SNX8: variants seen among roughly 807,000 people sequenced by gnomAD.
SNX8 encodes sorting nexin-8.
In SNX8, 25 loss-of-function variants were observed where a neutral mutation model predicts 51.6. That is an observed-to-expected ratio of 0.48 (90% CI 0.35 to 0.68). The LOEUF is 0.68. Ranked by LOEUF, SNX8 falls within the 30% of genes least tolerant of loss-of-function variation. SNX8 has a pLI of 0.00. For missense variants in SNX8, 695 were observed against 624.0 expected, an observed-to-expected ratio of 1.11 and a Z score of -1.21; for synonymous variants, 324 against 277.0, an observed-to-expected ratio of 1.17 and a Z score of -1.68.
chr7:2,322,833 A>G (rs185786282), intron 1 of SNX8, among the ~76,000 whole-genome samples: 2,217 of 150,954 alleles, frequency 0.015, 50 homozygotes, highest in African/African-American at 0.051. Context: ...CCTGGGCAAC[A>G]TGGTGAAACC....
upstream of SNX8, among the ~76,000 whole-genome samples, chr7:2,315,407 C>T (rs1796737900): frequency 6.6e-6 from 1 of 151,666 alleles, no homozygotes; most frequent in Non-Finnish European, 1.5e-5. Context: ...CACCCACTCA[C>T]TCACTGCATC....
chr7:2,318,056 T>A (rs1376676795), upstream of SNX8, among the ~76,000 whole-genome samples: 1 of 152,078 alleles, frequency 6.6e-6, no homozygotes, highest in Non-Finnish European at 1.5e-5. Context: ...CTGATCATAT[T>A]TTTATTAGAG....
intron 1 of SNX8, among the ~76,000 whole-genome samples, chr7:2,338,453 C>CT (rs1778869201): frequency 7.1e-6 from 1 of 140,566 alleles, no homozygotes; most frequent in African/African-American, 2.6e-5. Context: ...CAGAGAGAGA[C>CT]TGTGTCTCAA....
chr7:2,284,642 G>A (rs1795981776), intron 1 of SNX8, among the ~76,000 whole-genome samples: 2 of 151,400 alleles, frequency 1.3e-5, no homozygotes, highest in Non-Finnish European at 1.5e-5. Flanking sequence ...CTGACCTTGT[G>A]ATCCGCCCAC....
chr7:2,348,876 C>T (rs1031922475), intron 1 of SNX8, among the ~76,000 whole-genome samples: 4 of 147,986 alleles, frequency 2.7e-5, no homozygotes, highest in East Asian at 2.0e-4. Context: ...CATTTGAACC[C>T]GGGAGGCGGA....
Position 2,280,234 on chromosome 7 carries a change from G to C in SNX8, c.95-1929C>G, listed in dbSNP as rs77967498. Among the ~76,000 whole-genome samples, 8 of 152,168 alleles carry C rather than the reference G, an allele frequency of 5.3e-5. No individual in the cohort carries two copies. In the East Asian group the frequency reaches 7.7e-4, roughly 15 times the overall value. ...AGAGATCCTACGCCCAGCTTGCAAA[G>C]AAAAAACCAAAACAAGGAATAATGT... On this transcript the variant is annotated intron_variant, in intron 1 of 10. Transcript: ENST00000222990.
At chr7:2,348,950 C>CAAAAA (rs60816121) in intron 1 of SNX8, among the ~76,000 whole-genome samples, 13 of 55,706 alleles carry the variant, frequency 2.3e-4, no homozygotes, top group Non-Finnish European at 3.0e-4. Flanking sequence ...GACTCTGTCT[C>CAAAAA]AAAAAAAAAA....
chr7:2,278,150 C>G lies in SNX8; in HGVS notation c.250G>C (p.Glu84Gln), dbSNP rs775139767. 4 of 1,614,156 alleles carry G rather than the reference C, an allele frequency of 2.5e-6. No individual in the cohort carries two copies. Among genetic ancestry groups the G allele is most frequent in the Non-Finnish European group, 2.5e-6 (3 of 1,180,020 alleles). Residue 84 changes from glutamate to glutamine, a missense_variant, in exon 2 of 11, where the codon GAG (glutamate) becomes CAG (glutamine). By Grantham distance (29) the Glu-to-Gln change is conservative. Coordinates refer to ENST00000222990, the MANE Select transcript of SNX8 (RefSeq NM_013321.4). ...TGCTTCAGGAAGAGGCCCTTCTTCT[C>G]CGGAATGAGCTCCACCTGCACGGTG... ...RDTVQVELIP[E>Q]KKGLFLKHVE...
chr7:2,263,800 G>A (rs567768703), intron 6 of SNX8, among the ~76,000 whole-genome samples: 17 of 151,886 alleles, frequency 1.1e-4, no homozygotes, highest in African/African-American at 3.4e-4. Context: ...TGCAACCTCC[G>A]CCTCCTAGGT....
At chr7:2,337,852 T>A (rs1460717799) in intron 1 of SNX8, among the ~76,000 whole-genome samples, 7 of 131,494 alleles carry the variant, frequency 5.3e-5, no homozygotes, top group South Asian at 2.4e-4. Flanking sequence ...GGATATCTTG[T>A]AAAAAAAAAA....
rs371535182 is a variant in SNX8, at chr7:2,327,764, T to G, written c.-66+26458A>C. Among the ~76,000 whole-genome samples the G allele has an allele frequency of 6.6e-3, 980 of 149,038 alleles. 16 individuals carry two copies. Among genetic ancestry groups the G allele is most frequent in the Admixed American group, 0.022 (324 of 14,912 alleles). ...TCACCGTGTTAGCCAGGATGGTCTC[T>G]ATCTCCTGACCTCGTGATCCGCCCG... On this transcript the variant is annotated intron_variant, in intron 1 of 5. Coordinates refer to the SNX8 transcript ENST00000435336.
chr7:2,326,447 C>CGAGGTCAG (rs894680308), intron 1 of SNX8, among the ~76,000 whole-genome samples: 1 of 151,866 alleles, frequency 6.6e-6, no homozygotes, highest in Non-Finnish European at 1.5e-5. Context: ...GGGCAGATCA[C>CGAGGTCAG]GAGGTCAGGA....
chr7:2,268,469 C>T (rs1351966295), intron 5 of SNX8, among the ~76,000 whole-genome samples: 1 of 144,210 alleles, frequency 6.9e-6, no homozygotes, highest in Non-Finnish European at 1.5e-5. Flanking sequence ...CAGCCCCCCG[C>T]CCGGCCAGCC....
At chr7:2,285,218 A>G (rs2115153631) in intron 1 of SNX8, among the ~76,000 whole-genome samples, 1 of 150,938 alleles carries the variant, frequency 6.6e-6, no homozygotes, top group South Asian at 2.1e-4. Flanking sequence ...TCTCAAAAAA[A>G]AAAAAAAAAA....
intron 4 of SNX8, among the ~76,000 whole-genome samples, chr7:2,269,901 G>C (rs183972919): frequency 1.4e-4 from 22 of 152,022 alleles, no homozygotes; most frequent in African/African-American, 5.3e-4. Context: ...ATCCGCAGAC[G>C]GGGGGCAGCT....
At chr7:2,299,465 C>G (rs1796346026) in intron 1 of SNX8, 1 of 152,168 alleles carries the variant, frequency 6.6e-6, no homozygotes, top group South Asian at 2.1e-4. Context: ...GCCCATTGGA[C>G]TTCAGCTCAT....
chr7:2,346,105 C>A (rs1359743933), intron 1 of SNX8, among the ~76,000 whole-genome samples: 1 of 152,086 alleles, frequency 6.6e-6, no homozygotes, highest in Non-Finnish European at 1.5e-5. Context: ...CCACACCCAG[C>A]CTATTTCTTA....
intron 1 of SNX8, among the ~76,000 whole-genome samples, chr7:2,324,167 G>A (rs1047447198): frequency 1.1e-4 from 17 of 152,020 alleles, no homozygotes; most frequent in South Asian, 4.2e-4. Flanking sequence ...CATCCTGGCC[G>A]GGGGCAGTGG....
At chr7:2,333,204 G>A (rs1010593453) in intron 1 of SNX8, among the ~76,000 whole-genome samples, 3 of 151,264 alleles carry the variant, frequency 2.0e-5, no homozygotes, top group Non-Finnish European at 2.9e-5. Context: ...GTGAACCACC[G>A]TACCCAGCCA....
Sources: gnomAD v4.1 joint callset for allele counts (sites outside exome capture counted in the v4.1 genomes callset) on GRCh38, gnomAD v4.1.1 for gene constraint, MANE v1.5 for transcripts, NCBI Gene and HGNC (gene_info 2026-07-23, HGNC 2026-07-21) for gene names.